The following CDH9 variants were observed in gnomAD, a reference collection of about 807,000 sequenced individuals.
The protein encoded by CDH9 is cadherin-9.
In CDH9, 28 loss-of-function variants were observed where a neutral mutation model predicts 70.9. The ratio of observed to expected loss-of-function variants is 0.40; its 90% CI spans 0.29 to 0.54. The LOEUF is 0.54. Ranked by LOEUF, CDH9 falls within the 20% of genes least tolerant of loss-of-function variation. The pLI is 0.59. For missense variants in CDH9, 874 were observed against 984.4 expected (o/e 0.89, Z 1.50); for synonymous variants, 409 against 343.1 (o/e 1.19, Z -2.12).
intron 1 of CDH9, among the ~76,000 whole-genome samples, chr5:27,030,521 G>A (rs1167757269): frequency 1.3e-5 from 2 of 148,628 alleles, no homozygotes; most frequent in Non-Finnish European, 3.0e-5. Context: ...CAGAGAAGCA[G>A]GGATTAAAAA....
At chr5:26,973,691 A>G (rs967084445) in intron 2 of CDH9, among the ~76,000 whole-genome samples, 1 of 152,120 alleles carries the variant, frequency 6.6e-6, no homozygotes, top group African/African-American at 2.4e-5. Flanking sequence ...GTGTTAATAA[A>G]TATTTATTTG....
chr5:26,979,682 G>A (rs1468857833), intron 2 of CDH9, among the ~76,000 whole-genome samples: 1 of 151,808 alleles, frequency 6.6e-6, no homozygotes, highest in African/African-American at 2.4e-5. Flanking sequence ...CAGAAAGGCT[G>A]AGAGCAAGAG....
intron 2 of CDH9, among the ~76,000 whole-genome samples, chr5:26,938,261 A>G (rs1741595867): frequency 2.0e-5 from 3 of 151,640 alleles, no homozygotes; most frequent in Admixed American, 2.0e-4. Flanking sequence ...GAGAGTGTAT[A>G]TTTAAAAAGA....
chr5:26,916,773 T>C (rs1741157224), intron 2 of CDH9, among the ~76,000 whole-genome samples: 1 of 151,900 alleles, frequency 6.6e-6, no homozygotes, highest in Non-Finnish European at 1.5e-5. Context: ...GAGAAAGAGA[T>C]TTGTAATTAC....
chr5:26,975,284 A>AATT (rs1742287185), intron 2 of CDH9, among the ~76,000 whole-genome samples: 1 of 152,128 alleles, frequency 6.6e-6, no homozygotes, highest in African/African-American at 2.4e-5. Context: ...TCCAATTTGA[A>AATT]GGTTTGAATT....
chr5:26,919,037 C>G (rs1041922458), intron 2 of CDH9, among the ~76,000 whole-genome samples: 1 of 152,108 alleles, frequency 6.6e-6, no homozygotes, highest in Non-Finnish European at 1.5e-5. Flanking sequence ...TTCAAGCCTA[C>G]AGTGAAAATT....
At chr5:26,911,450 G>A (rs944378868) in intron 3 of CDH9, among the ~76,000 whole-genome samples, 2 of 152,052 alleles carry the variant, frequency 1.3e-5, no homozygotes, top group African/African-American at 4.8e-5. Flanking sequence ...TATTTTTGTT[G>A]TCTGTAAAAA....
chr5:26,952,796 A>G (rs1295333467), intron 2 of CDH9, among the ~76,000 whole-genome samples: 1 of 151,308 alleles, frequency 6.6e-6, no homozygotes, highest in East Asian at 2.0e-4. Flanking sequence ...TGGGATTGAT[A>G]CTGGAGGCTT....
At chr5:27,027,942 T>A (rs190120866) in intron 1 of CDH9, among the ~76,000 whole-genome samples, 1 of 152,210 alleles carries the variant, frequency 6.6e-6, no homozygotes, top group Admixed American at 6.6e-5. Context: ...TCTCTATGGA[T>A]AACATGAAAG....
chr5:26,883,089 A>ATG (rs1740499372), intron 11 of CDH9, among the ~76,000 whole-genome samples: 1 of 129,652 alleles, frequency 7.7e-6, no homozygotes, highest in South Asian at 2.4e-4. Flanking sequence ...ATATATATAT[A>ATG]TATATAAAAC....
chr5:26,987,104 T>C (rs1742501304), intron 2 of CDH9, among the ~76,000 whole-genome samples: 1 of 150,310 alleles, frequency 6.7e-6, no homozygotes, highest in African/African-American at 2.4e-5. Flanking sequence ...TTTTTTTTTT[T>C]TTTTTTTTTC....
chr5:27,012,416 G>A (rs755424539), intron 1 of CDH9, among the ~76,000 whole-genome samples: 9 of 151,740 alleles, frequency 5.9e-5, no homozygotes, highest in Non-Finnish European at 1.2e-4. Flanking sequence ...CTTTTCTTCA[G>A]TCTATATGTA....
intron 2 of CDH9, among the ~76,000 whole-genome samples, chr5:26,933,547 C>T (rs1185758216): frequency 1.3e-5 from 2 of 151,662 alleles, no homozygotes; most frequent in African/African-American, 4.8e-5. Context: ...GAGGCCGAGG[C>T]GGGTGGATCA....
intron 1 of CDH9, among the ~76,000 whole-genome samples, chr5:27,012,461 G>A (rs1411021476): frequency 6.6e-6 from 1 of 151,642 alleles, no homozygotes. Context: ...AATATTCTGG[G>A]GCTGTACTGT....
chr5:26,919,760 A>C (rs1741212118), intron 2 of CDH9, among the ~76,000 whole-genome samples: 1 of 152,082 alleles, frequency 6.6e-6, no homozygotes, highest in Admixed American at 6.5e-5. Context: ...CAGGGTCCTG[A>C]GGCCCCCATT....
intron 7 of CDH9, among the ~76,000 whole-genome samples, chr5:26,896,562 C>T (rs1459998111): frequency 1.4e-5 from 2 of 138,676 alleles, no homozygotes; most frequent in African/African-American, 5.3e-5. Flanking sequence ...ATGAAAATTT[C>T]ATTTCATTAT....
At chr5:27,001,422 G>A (rs1381610393) in intron 1 of CDH9, among the ~76,000 whole-genome samples, 2 of 152,052 alleles carry the variant, frequency 1.3e-5, no homozygotes, top group African/African-American at 4.8e-5. Context: ...GTAAGTAGTT[G>A]GCAGATGTTG....
intron 9 of CDH9, 53 bp from the exon 10 acceptor site, chr5:26,886,136 T>A: frequency 6.6e-7 from 1 of 1,511,012 alleles, no homozygotes; most frequent in Non-Finnish European, 8.9e-7. Flanking sequence ...ATGTTCTTGT[T>A]ATTACAAGAT....
chr5:26,916,418 G>A (rs1485391781), intron 2 of CDH9, among the ~76,000 whole-genome samples: 2 of 151,740 alleles, frequency 1.3e-5, no homozygotes, highest in Non-Finnish European at 1.5e-5. Flanking sequence ...CTTATCTGTG[G>A]GGGATACATT....
Sources: gnomAD v4.1 joint callset for allele counts (sites outside exome capture counted in the v4.1 genomes callset) on GRCh38, gnomAD v4.1.1 for gene constraint, MANE v1.5 for transcripts, NCBI Gene and HGNC (gene_info 2026-07-23, HGNC 2026-07-21) for gene names.